Variants in DST observed in about 807,000 individuals in gnomAD.
DST encodes dystonin.
Under a neutral mutation model 875.2 loss-of-function variants are expected in DST, and 253 were observed. The ratio of observed to expected loss-of-function variants is 0.29; its 90% CI spans 0.26 to 0.32. The LOEUF (loss-of-function observed/expected upper bound fraction) is 0.32, where lower values mean the gene tolerates loss of function less well. Among genes scored for constraint, DST ranks in the 10% least tolerant of loss-of-function variants. The pLI is 1.00. For synonymous variants in DST, 3,124 were observed against 3,197.1 expected (o/e 0.98, Z 0.77); for missense variants, 8,287 against 9,111.6 (o/e 0.91, Z 3.68).
rs566915807 is a variant in DST at position 56,500,734 on chromosome 6, C to A, written c.19896+346G>T. On this transcript the variant is annotated intron_variant, in intron 80 of 103. Coordinates refer to ENST00000680361, the MANE Select transcript of DST (RefSeq NM_001374736.1). ...CTATGATTTTTTAGGCTATCCCTAA[C>A]AACTTTAAAAAATAGGTGACATTAT... 3.3e-5 allele frequency among the ~76,000 whole-genome samples: 5 copies of A among 152,154 alleles called. No individual in the cohort carries two copies. In the East Asian group the frequency reaches 9.7e-4, roughly 29 times the overall value.
At position 56,460,258 on chromosome 6, in the gene DST, T is replaced by TA. The variant is rs750247142; in HGVS notation, c.23071-5dup. On this transcript the variant is annotated splice_region_variant and splice_polypyrimidine_tract_variant and intron_variant, in intron 102 of 103. Transcript: ENST00000680361. ...TGCTTCCTTGTATTGGCGTTCCCTGTATTTAACCAGCAACAAGACATTTCA... is the reference window on the plus strand; with the variant it reads ...TGCTTCCTTGTATTGGCGTTCCCTGTAATTTAACCAGCAACAAGACATTTCA... The TA allele has an allele frequency of 7.4e-6, 12 of 1,613,950 alleles. No homozygotes were observed. Among genetic ancestry groups the TA allele is most frequent in the Non-Finnish European group, 1.0e-5 (12 of 1,179,852 alleles).
intron 82 of DST, 100 bp downstream of exon 82, chr6:56,497,279 T>C (rs2095947502): frequency 1.5e-6 from 2 of 1,370,772 alleles, no homozygotes; most frequent in Non-Finnish European, 9.9e-7. Flanking sequence ...ATAAACTATA[T>C]CTTTAAAGCC....
At chr6:56,573,590 A>T in intron 51 of DST, 89 bp downstream of exon 51, 2 of 964,078 alleles carry the variant, frequency 2.1e-6, no homozygotes, top group Non-Finnish European at 3.2e-6. Context: ...TTGTGTCCTT[A>T]AGTTTATCTT....
At chr6:56,567,489 A>T (rs895767903) in intron 55 of DST, among the ~76,000 whole-genome samples, 1 of 151,816 alleles carries the variant, frequency 6.6e-6, no homozygotes, top group Non-Finnish European at 1.5e-5. Flanking sequence ...AACACTTGAT[A>T]TTTATGGCAA....
chr6:56,916,987 TAA>T (rs1161421788), intron 2 of DST, among the ~76,000 whole-genome samples: 73 of 35,544 alleles, frequency 2.1e-3, no homozygotes, highest in African/African-American at 5.1e-3. Context: ...CCAGGCATGC[TAA>T]AAAAAAAAAA....
At chr6:56,728,890 C>A (rs1336903672) in intron 5 of DST, among the ~76,000 whole-genome samples, 1 of 151,234 alleles carries the variant, frequency 6.6e-6, no homozygotes, top group African/African-American at 2.4e-5. Flanking sequence ...TAACCCTATT[C>A]TTAGGAAATA....
chr6:56,602,704 T>C (rs557616018), intron 43 of DST, among the ~76,000 whole-genome samples, 178 bp downstream of exon 43: 3 of 152,088 alleles, frequency 2.0e-5, no homozygotes, highest in East Asian at 1.9e-4. Context: ...ATCAGAATGA[T>C]ACCCTTAAAG....
intron 49 of DST, among the ~76,000 whole-genome samples, chr6:56,591,388 C>T (rs1273456455): frequency 6.6e-6 from 1 of 152,150 alleles, no homozygotes; most frequent in Non-Finnish European, 1.5e-5. Flanking sequence ...GTCCTTAGAA[C>T]CGCTGAATAT....
intron 9 of DST, among the ~76,000 whole-genome samples, chr6:56,687,306 G>A (rs1441564786): frequency 2.6e-5 from 4 of 152,158 alleles, no homozygotes; most frequent in Admixed American, 2.6e-4. Context: ...AGTCAAAAAG[G>A]TCATGCTCAG....
intron 4 of DST, among the ~76,000 whole-genome samples, chr6:56,744,690 C>A (rs1037010163): frequency 3.3e-5 from 5 of 152,140 alleles, no homozygotes; most frequent in African/African-American, 1.2e-4. Flanking sequence ...TCTCAAACCA[C>A]CTGTGAGCTA....
At chr6:56,798,491 GA>G (rs202246798) in intron 4 of DST, among the ~76,000 whole-genome samples, 4 of 150,698 alleles carry the variant, frequency 2.7e-5, no homozygotes, top group African/African-American at 7.3e-5. Flanking sequence ...AGATTGCTCA[GA>G]AAAAAAAAGA....
chr6:56,862,298 G>C (rs1771627424), intron 3 of DST, among the ~76,000 whole-genome samples: 1 of 152,088 alleles, frequency 6.6e-6, no homozygotes, highest in Non-Finnish European at 1.5e-5. Context: ...TAGATCCAGG[G>C]AAGAAGGGAA....
At chr6:56,546,388 AT>A (rs1369769469) in intron 61 of DST, among the ~76,000 whole-genome samples, 28 of 125,026 alleles carry the variant, frequency 2.2e-4, no homozygotes, top group African/African-American at 6.3e-4. Flanking sequence ...ATATATATAT[AT>A]AAATGTCAAA....
chr6:56,576,325 G>C (rs1157332242), intron 50 of DST, among the ~76,000 whole-genome samples: 5 of 152,124 alleles, frequency 3.3e-5, no homozygotes, highest in Admixed American at 3.3e-4. Flanking sequence ...TCTGAGTTCT[G>C]TGAGTCACTC....
At chr6:56,851,027 A>G in intron 4 of DST, 1 of 228,370 alleles carries the variant, frequency 4.4e-6, no homozygotes, top group Non-Finnish European at 8.7e-6. Context: ...ATGAAAATAA[A>G]GGCTGCTCAC....
Position 56,484,479 on chromosome 6 carries a change from T to C in DST, c.21207+833A>G, listed in dbSNP as rs535736919. On this transcript the variant is annotated intron_variant, in intron 88 of 103. Coordinates refer to ENST00000680361, the MANE Select transcript of DST (RefSeq NM_001374736.1). ...GGTAAGATCAAAATAGCATAACCAA[T>C]ATAAAGAGAACATTATAAATGGAAT... 8 of 152,136 alleles carry C rather than the reference T, an allele frequency of 5.3e-5. No homozygotes were observed. In the South Asian group the frequency reaches 1.7e-3, roughly 32 times the overall value. 9.4% of individuals were successfully genotyped at this position (152,136 alleles called of 1,614,324 possible). A position where few individuals can be genotyped will look rare whatever the true frequency, so the allele number is the denominator to read the frequency against.
Position 56,482,139 on chromosome 6 carries a change from A to C in DST, c.21442T>G (p.Trp7148Gly). 1 of 1,613,298 alleles carries C rather than the reference A, an allele frequency of 6.2e-7. No homozygotes were observed. The highest frequency in any genetic ancestry group is 1.1e-5 in the South Asian group (1 of 91,000). The change falls in exon 90 of 104, where the codon TGG becomes GGG. Residue 7148 changes from tryptophan (W) to glycine (G), a missense_variant. Around this residue, in one of 10 missense-constraint regions of DST, gnomAD observed 1,292 missense variants for 1,552.7 expected, o/e 0.83. Coordinates refer to ENST00000680361, the MANE Select transcript of DST (RefSeq NM_001374736.1). ...FHSVVHALLE[W>G]LAEAEQTLRF... Reference sequence around the variant, plus strand: ...AGGGTTTGCTCCGCCTCAGCCAGCCACTCCAAGAGGGCATGTACCACCGAG... The same window carrying C: ...AGGGTTTGCTCCGCCTCAGCCAGCCCCTCCAAGAGGGCATGTACCACCGAG...
intron 9 of DST, among the ~76,000 whole-genome samples, chr6:56,686,996 TCTC>T (rs1366446275): frequency 6.6e-6 from 1 of 152,122 alleles, no homozygotes; most frequent in Non-Finnish European, 1.5e-5. Flanking sequence ...TCTTGTAAGT[TCTC>T]CTCCCCTACT....
intron 43 of DST, among the ~76,000 whole-genome samples, chr6:56,602,303 C>T (rs750295142): frequency 6.6e-6 from 1 of 151,718 alleles, no homozygotes; most frequent in Non-Finnish European, 1.5e-5. Context: ...TTTTTCCTGT[C>T]GTTTTCTATG....
Sources: gnomAD v4.1 joint callset for allele counts (sites outside exome capture counted in the v4.1 genomes callset) on GRCh38, gnomAD v4.1.1 for gene constraint, gnomAD v4.1.1 regional missense constraint, MANE v1.5 for transcripts, NCBI Gene and HGNC (gene_info 2026-07-23, HGNC 2026-07-21) for gene names.